Variants in WIPF1 observed in about 807,000 individuals in gnomAD.
WIPF1 encodes the protein WAS/WASL-interacting protein family member 1.
In WIPF1, 13 loss-of-function variants were observed where a neutral mutation model predicts 35.4. That is an observed-to-expected ratio of 0.37 (90% CI 0.24 to 0.58). WIPF1 has a LOEUF of 0.58. Ranked by LOEUF, WIPF1 falls within the 20% of genes least tolerant of loss-of-function variation. The probability of loss-of-function intolerance (pLI) is 0.74; values close to 1 mark genes in which losing one functional copy is unlikely to be tolerated. For synonymous variants in WIPF1, 267 were observed against 266.3 expected (o/e 1.00, Z -0.02); for missense variants, 591 against 667.0 (o/e 0.89, Z 1.25).
chr2:174,629,450 G>C (rs1382960866), intron 1 of WIPF1, among the ~76,000 whole-genome samples: 4 of 152,218 alleles, frequency 2.6e-5, no homozygotes, highest in East Asian at 1.9e-4. Flanking sequence ...AAGGAAGCAT[G>C]CTGTCCATGT....
intron 1 of WIPF1, among the ~76,000 whole-genome samples, chr2:174,671,087 G>A (rs150881431): frequency 6.6e-6 from 1 of 152,340 alleles, no homozygotes; most frequent in Non-Finnish European, 1.5e-5. Flanking sequence ...GTGTGCAGAT[G>A]CAACTGTGTG....
At chr2:174,638,455 C>T (rs1319750924) in intron 1 of WIPF1, among the ~76,000 whole-genome samples, 1 of 152,064 alleles carries the variant, frequency 6.6e-6, no homozygotes, top group Non-Finnish European at 1.5e-5. Flanking sequence ...CAATATTTTA[C>T]CATTAACCAT....
At chr2:174,570,159 G>C (rs1167677090) in intron 5 of WIPF1, among the ~76,000 whole-genome samples, 3 of 152,160 alleles carry the variant, frequency 2.0e-5, no homozygotes, top group Non-Finnish European at 4.4e-5. Flanking sequence ...AATAAATCAA[G>C]GTACATTTGT....
At chr2:174,628,497 G>C (rs189829965) in intron 1 of WIPF1, among the ~76,000 whole-genome samples, 4 of 152,294 alleles carry the variant, frequency 2.6e-5, no homozygotes, top group Admixed American at 2.6e-4. Context: ...CCTTTCTCCA[G>C]GTAGGATGGA....
At chr2:174,657,832 C>A (rs995861540) in intron 1 of WIPF1, among the ~76,000 whole-genome samples, 4 of 149,748 alleles carry the variant, frequency 2.7e-5, no homozygotes, top group African/African-American at 7.4e-5. Flanking sequence ...ATTGCTTGAA[C>A]CTGGGAGGTA....
chr2:174,637,384 T>G (rs1198208852), intron 1 of WIPF1, among the ~76,000 whole-genome samples: 1 of 152,228 alleles, frequency 6.6e-6, no homozygotes, highest in East Asian at 1.9e-4. Flanking sequence ...AATAAACTGA[T>G]GGGCCTAAGA....
intron 1 of WIPF1, among the ~76,000 whole-genome samples, chr2:174,672,889 G>A (rs1440413040): frequency 2.0e-5 from 3 of 152,170 alleles, no homozygotes; most frequent in South Asian, 2.1e-4. Context: ...AACAGAGGAC[G>A]CAATGCACAA....
intron 7 of WIPF1, among the ~76,000 whole-genome samples, chr2:174,564,196 G>A (rs762906620): frequency 2.0e-5 from 3 of 152,042 alleles, no homozygotes; most frequent in Admixed American, 6.5e-5. Context: ...GGTACTCGAC[G>A]GTGCCTTATT....
chr2:174,646,091 T>C (rs975673445), intron 1 of WIPF1, among the ~76,000 whole-genome samples: 2 of 152,322 alleles, frequency 1.3e-5, no homozygotes, highest in African/African-American at 4.8e-5. Flanking sequence ...ATAGGCAATG[T>C]AAACAATTCA....
chr2:174,632,019 G>A (rs1002515062), intron 1 of WIPF1, among the ~76,000 whole-genome samples: 1 of 152,200 alleles, frequency 6.6e-6, no homozygotes, highest in African/African-American at 2.4e-5. Context: ...GTTCAGGAAT[G>A]TGTCCATACT....
At chr2:174,678,958 T>C (rs1574876125) in intron 1 of WIPF1, among the ~76,000 whole-genome samples, 1 of 152,260 alleles carries the variant, frequency 6.6e-6, no homozygotes, top group African/African-American at 2.4e-5. Flanking sequence ...TTCCTGCGTT[T>C]AGGCTTTTTT....
chr2:174,587,648 G>A (rs892513471), intron 1 of WIPF1: 4 of 152,206 alleles, frequency 2.6e-5, no homozygotes, highest in African/African-American at 9.7e-5. Context: ...TGGATCCAGG[G>A]CTCTATCCTT....
At position 174,560,484 on chromosome 2, in the gene WIPF1, T is replaced by C. The variant is rs1433459948; in HGVS notation, c.*2063A>G. ...CTTTTGTGAAATGGGTCATTAGGCTTTATCATAGGGATGTTTTTCACTGTT... is the reference window on the plus strand; with the variant it reads ...CTTTTGTGAAATGGGTCATTAGGCTCTATCATAGGGATGTTTTTCACTGTT... On this transcript the variant is annotated 3_prime_UTR_variant, in exon 8 of 8. Transcript: ENST00000679041. 6.6e-6 allele frequency: 1 copy of C among 152,608 alleles called. No homozygotes were observed. Among genetic ancestry groups the C allele is most frequent in the Non-Finnish European group, 1.5e-5 (1 of 68,034 alleles). 9.5% of individuals were successfully genotyped at this position (152,608 alleles called of 1,614,324 possible). A position where few individuals can be genotyped will look rare whatever the true frequency, so the allele number is the denominator to read the frequency against.
At chr2:174,598,579 C>T (rs1685896637), upstream of WIPF1, among the ~76,000 whole-genome samples, 1 of 152,192 alleles carries the variant, frequency 6.6e-6, no homozygotes, top group Non-Finnish European at 1.5e-5. Flanking sequence ...CTTAGCTTCC[C>T]AGATTGCTGG....
Position 174,588,506 on chromosome 2 carries a change from C to T in WIPF1, c.-38-2895G>A, listed in dbSNP as rs116632227. On this transcript the variant is annotated intron_variant, in intron 1 of 7. Transcript: ENST00000679041. ...GAATGGGGACCCTTTCAGGGGCTGC[C>T]ACCCTGAAAGGCCTCCTTAATTATT... Among the ~76,000 whole-genome samples, 491 of 152,304 alleles carry T rather than the reference C, an allele frequency of 3.2e-3. 1 individual carries two copies. The highest frequency in any genetic ancestry group is 4.3e-3 in the Non-Finnish European group (290 of 68,030).
intron 1 of WIPF1, among the ~76,000 whole-genome samples, chr2:174,593,395 G>C (rs575386797): frequency 2.0e-5 from 3 of 152,182 alleles, no homozygotes; most frequent in African/African-American, 7.2e-5. Flanking sequence ...TAACTGCAAG[G>C]GCATTCATTA....
chr2:174,617,884 A>C (rs1228719204), intron 1 of WIPF1, among the ~76,000 whole-genome samples: 1 of 152,238 alleles, frequency 6.6e-6, no homozygotes, highest in Admixed American at 6.5e-5. Context: ...CCTGATGCAG[A>C]GGTGGAAAGG....
chr2:174,581,915 C>G (rs576385053), intron 2 of WIPF1, among the ~76,000 whole-genome samples: 1 of 152,178 alleles, frequency 6.6e-6, no homozygotes, highest in African/African-American at 2.4e-5. Context: ...TTTAAACCCA[C>G]TAAAGTTCTA....
At chr2:174,673,115 G>A (rs192259622) in intron 1 of WIPF1, among the ~76,000 whole-genome samples, 49 of 152,208 alleles carry the variant, frequency 3.2e-4, no homozygotes, top group East Asian at 7.7e-4. Context: ...ACAGTATGCC[G>A]CAAGAGAAAA....
Sources: gnomAD v4.1 joint callset for allele counts (sites outside exome capture counted in the v4.1 genomes callset) on GRCh38, gnomAD v4.1.1 for gene constraint, MANE v1.5 for transcripts, NCBI Gene and HGNC (gene_info 2026-07-23, HGNC 2026-07-21) for gene names.